The following CADPS2 variants were observed in gnomAD, a reference collection of about 807,000 sequenced individuals.
CADPS2 encodes calcium-dependent secretion activator 2.
A neutral mutation model predicts 172.5 loss-of-function variants in CADPS2; 93 were observed. That is an observed-to-expected ratio of 0.54 (90% CI 0.46 to 0.64). The LOEUF (loss-of-function observed/expected upper bound fraction) is 0.64. CADPS2 is among the 30% of genes least tolerant of loss of function. The pLI, the probability that CADPS2 is intolerant of heterozygous loss-of-function variation, is 0.00. For missense variants in CADPS2, 1,420 were observed against 1,565.9 expected, an observed-to-expected ratio of 0.91 and a Z score of 1.57; for synonymous variants, 546 against 555.2, an observed-to-expected ratio of 0.98 and a Z score of 0.23.
intron 1 of CADPS2, among the ~76,000 whole-genome samples, chr7:122,775,590 A>C (rs13227529): frequency 0.2 from 29,794 of 152,124 alleles, 3,027 homozygotes; most frequent in Middle Eastern, 0.3. Flanking sequence ...CCTCTGTGCC[A>C]TATTTCTTTT....
intron 14 of CADPS2, 121 bp downstream of exon 14, chr7:122,471,254 T>TTG: frequency 4.7e-6 from 3 of 643,504 alleles, no homozygotes; most frequent in Non-Finnish European, 7.0e-6. Flanking sequence ...TTTTTTTTTT[T>TTG]CCTTGTAAGA....
At chr7:122,632,582 T>G (rs1407663781) in intron 3 of CADPS2, among the ~76,000 whole-genome samples, 1 of 152,136 alleles carries the variant, frequency 6.6e-6, no homozygotes, top group Non-Finnish European at 1.5e-5. Context: ...TCCTTGTAGA[T>G]ATCTGTATAT....
intron 11 of CADPS2, among the ~76,000 whole-genome samples, chr7:122,489,852 G>A (rs2058133227): frequency 6.6e-6 from 1 of 151,996 alleles, no homozygotes; most frequent in Admixed American, 6.6e-5. Flanking sequence ...GAGATTTCTA[G>A]AAATACCCTA....
intron 25 of CADPS2, chr7:122,366,654 T>C (rs1299271537): frequency 4.3e-5 from 6 of 140,452 alleles, no homozygotes; most frequent in Admixed American, 7.1e-5. Context: ...CACATATATA[T>C]ACATACACAC....
chr7:122,868,586 G>C (rs1818891365), intron 1 of CADPS2, among the ~76,000 whole-genome samples: 1 of 152,138 alleles, frequency 6.6e-6, no homozygotes. Flanking sequence ...TGGAAAGAAA[G>C]ATCTTTTACG....
At chr7:122,601,629 T>C (rs2072796373) in intron 6 of CADPS2, among the ~76,000 whole-genome samples, 1 of 151,998 alleles carries the variant, frequency 6.6e-6, no homozygotes, top group African/African-American at 2.4e-5. Flanking sequence ...TACATGAATA[T>C]CTTTGCAGCA....
chr7:122,759,139 C>T (rs2093285402), intron 1 of CADPS2, among the ~76,000 whole-genome samples: 1 of 152,102 alleles, frequency 6.6e-6, no homozygotes, highest in Admixed American at 6.6e-5. Context: ...TGGAGAATCA[C>T]AGTCCATAGT....
At chr7:122,415,601 C>CAAAAA (rs549530021) in intron 18 of CADPS2, among the ~76,000 whole-genome samples, 35 of 64,812 alleles carry the variant, frequency 5.4e-4, no homozygotes, top group Non-Finnish European at 7.7e-4. Flanking sequence ...AATACAGAAC[C>CAAAAA]AAAAAAAAAA....
At chr7:122,342,491 C>A (rs1304690429) in intron 28 of CADPS2, among the ~76,000 whole-genome samples, 1 of 152,160 alleles carries the variant, frequency 6.6e-6, no homozygotes, top group Non-Finnish European at 1.5e-5. Context: ...GTTCCACAAA[C>A]TTTTTAACAC....
chr7:122,347,356 T>C (rs2037833963), intron 27 of CADPS2, among the ~76,000 whole-genome samples: 2 of 152,144 alleles, frequency 1.3e-5, no homozygotes, highest in Non-Finnish European at 2.9e-5. Flanking sequence ...ATATATAGTA[T>C]AGGCAGTGAG....
intron 1 of CADPS2, among the ~76,000 whole-genome samples, chr7:122,820,964 T>C (rs1470691308): frequency 6.6e-6 from 1 of 151,686 alleles, no homozygotes; most frequent in Non-Finnish European, 1.5e-5. Context: ...ACTCACTCTC[T>C]ACAGTTCTCA....
intron 2 of CADPS2, among the ~76,000 whole-genome samples, chr7:122,718,960 C>T (rs1264259778): frequency 1.3e-5 from 2 of 152,134 alleles, no homozygotes; most frequent in Non-Finnish European, 2.9e-5. Flanking sequence ...TTACTTGCCA[C>T]CTACTGTTTT....
At chr7:122,444,361 AAATTTTT>A (rs975903754) in intron 15 of CADPS2, among the ~76,000 whole-genome samples, 107 of 152,264 alleles carry the variant, frequency 7.0e-4, no homozygotes, top group African/African-American at 2.2e-3. Flanking sequence ...ATAAATGTTT[AAATTTTT>A]AAGAATCTGC....
At chr7:122,801,866 G>T (rs2139969364) in intron 1 of CADPS2, among the ~76,000 whole-genome samples, 1 of 151,730 alleles carries the variant, frequency 6.6e-6, no homozygotes, top group East Asian at 1.9e-4. Context: ...TGGGATTACA[G>T]GCGTGAGCCA....
At chr7:122,834,393 C>A (rs1302997106) in intron 1 of CADPS2, among the ~76,000 whole-genome samples, 2 of 152,168 alleles carry the variant, frequency 1.3e-5, no homozygotes, top group Non-Finnish European at 2.9e-5. Context: ...GCATTTCCAA[C>A]TGAGGTACCG....
At chr7:122,473,351 G>C (rs2056223123) in intron 13 of CADPS2, among the ~76,000 whole-genome samples, 1 of 152,212 alleles carries the variant, frequency 6.6e-6, no homozygotes, top group African/African-American at 2.4e-5. Context: ...CAGAGTCTCC[G>C]AGCCTACTCT....
chr7:122,885,195 G>C (rs13222569), intron 1 of CADPS2, among the ~76,000 whole-genome samples: 1 of 152,128 alleles, frequency 6.6e-6, no homozygotes, highest in Non-Finnish European at 1.5e-5. Flanking sequence ...AGGCCCCTGG[G>C]GTCTTGTTTT....
intron 11 of CADPS2, among the ~76,000 whole-genome samples, chr7:122,485,924 C>A (rs2057766914): frequency 6.6e-6 from 1 of 152,150 alleles, no homozygotes; most frequent in Non-Finnish European, 1.5e-5. Context: ...CAACCCTGTT[C>A]TGTGCTCTAT....
intron 8 of CADPS2, among the ~76,000 whole-genome samples, chr7:122,523,889 A>G (rs1251223777): frequency 6.6e-6 from 1 of 152,124 alleles, no homozygotes; most frequent in Non-Finnish European, 1.5e-5. Flanking sequence ...CTCTACCCCA[A>G]CCAGGCAAAC....
Sources: gnomAD v4.1 joint callset for allele counts (sites outside exome capture counted in the v4.1 genomes callset) on GRCh38, gnomAD v4.1.1 for gene constraint, MANE v1.5 for transcripts, NCBI Gene and HGNC (gene_info 2026-07-23, HGNC 2026-07-21) for gene names.